The following FAM124A variants were observed in gnomAD, a reference collection of about 807,000 sequenced individuals.
The protein encoded by FAM124A is protein FAM124A.
Under a neutral mutation model 24.5 loss-of-function variants are expected in FAM124A, and 23 were observed. The observed-to-expected ratio is 0.94, with a 90% confidence interval of 0.68 to 1.33. The LOEUF is 1.33. Among genes scored for constraint, FAM124A ranks in the 40% most tolerant of loss-of-function variants. The probability of loss-of-function intolerance (pLI) is 0.00; values close to 1 mark genes in which losing one functional copy is unlikely to be tolerated. For synonymous variants in FAM124A, 287 were observed against 314.7 expected, an observed-to-expected ratio of 0.91 and a Z score of 0.93; for missense variants, 623 against 722.8, an observed-to-expected ratio of 0.86 and a Z score of 1.58.
At chr13:51,237,909 G>T (rs1274892219) in intron 2 of FAM124A, among the ~76,000 whole-genome samples, 1 of 152,220 alleles carries the variant, frequency 6.6e-6, no homozygotes, top group East Asian at 1.9e-4. Flanking sequence ...TGGAGAGAGG[G>T]CCCTGCTGCT....
intron 3 of FAM124A, among the ~76,000 whole-genome samples, chr13:51,260,023 C>A (rs957415380): frequency 1.3e-5 from 2 of 151,944 alleles, no homozygotes; most frequent in African/African-American, 2.4e-5. Context: ...GTGAGGAGGA[C>A]CCCCCAATAG....
At chr13:51,244,833 A>ACTCC (rs1407145294) in intron 2 of FAM124A, among the ~76,000 whole-genome samples, 5 of 152,206 alleles carry the variant, frequency 3.3e-5, no homozygotes, top group African/African-American at 4.8e-5. Context: ...ATGCCCACCC[A>ACTCC]GGCGAAACAG....
intron 2 of FAM124A, among the ~76,000 whole-genome samples, chr13:51,238,014 C>T (rs1318800733): frequency 6.6e-6 from 1 of 152,198 alleles, no homozygotes; most frequent in African/African-American, 2.4e-5. Flanking sequence ...GGGCTGGGGC[C>T]ATTTAGCATG....
At chr13:51,259,949 G>A (rs747531340) in intron 3 of FAM124A, among the ~76,000 whole-genome samples, 24 of 152,170 alleles carry the variant, frequency 1.6e-4, no homozygotes, top group Non-Finnish European at 3.2e-4. Context: ...GCAGGAGGCT[G>A]AGGGAGCAGT....
rs1027314952 is a variant in FAM124A at position 51,258,278 on chromosome 13, C to A, written c.834+6077C>A. ...ACAACTCATTATTTCCAAATAAGGT[C>A]ATATTCTGAGGTTACTAGGGGATGG... On this transcript the variant is annotated intron_variant, in intron 3 of 3. Coordinates refer to ENST00000322475, the MANE Select transcript of FAM124A (RefSeq NM_001242312.2). This position sits in a 1 kb window ranked among gnomAD's most constrained non-coding sequence, Gnocchi z 4.2. Among the ~76,000 whole-genome samples, 2 of 152,130 alleles carry A rather than the reference C, an allele frequency of 1.3e-5. No individual in the cohort carries two copies. The highest frequency in any genetic ancestry group is 2.9e-5 in the Non-Finnish European group (2 of 68,018).
At chr13:51,226,611 G>A (rs1954317998) in intron 1 of FAM124A, among the ~76,000 whole-genome samples, 1 of 152,238 alleles carries the variant, frequency 6.6e-6, no homozygotes, top group African/African-American at 2.4e-5. Flanking sequence ...GTCAGGCAGA[G>A]AGAGAGAGTG....
intron 3 of FAM124A, among the ~76,000 whole-genome samples, chr13:51,268,809 A>G (rs1185050075): frequency 6.6e-6 from 1 of 152,202 alleles, no homozygotes; most frequent in African/African-American, 2.4e-5. Flanking sequence ...CTCCTTTAGT[A>G]TCACGCTCAA....
At chr13:51,254,862 T>A (rs535350487) in intron 3 of FAM124A, among the ~76,000 whole-genome samples, 1 of 152,198 alleles carries the variant, frequency 6.6e-6, no homozygotes, top group Non-Finnish European at 1.5e-5. Context: ...ATATTATTAA[T>A]TATGTATATA....
rs986743465 is a variant in FAM124A at position 51,282,556 on chromosome 13, G to C, written c.*1300G>C. The C allele has an allele frequency of 3.3e-5, 5 of 152,230 alleles. No homozygotes were observed. Among genetic ancestry groups the C allele is most frequent in the African/African-American group, 1.2e-4 (5 of 41,450 alleles). 9.4% of individuals were successfully genotyped at this position (152,230 alleles called of 1,614,324 possible). The stretch of plus-strand genomic sequence containing the variant: ...CGGGGGCAGTGCCAAGCTGTCCCTG[G>C]ATACTATTTACCTTTGAGGAAGAAC... On this transcript the variant is annotated 3_prime_UTR_variant, in exon 4 of 4. Transcript: ENST00000322475.
chr13:51,239,403 T>TA (rs889195268), intron 2 of FAM124A, among the ~76,000 whole-genome samples: 1 of 152,196 alleles, frequency 6.6e-6, no homozygotes, highest in African/African-American at 2.4e-5. Context: ...AATAATTTAC[T>TA]AAAAAATGGC....
intron 3 of FAM124A, among the ~76,000 whole-genome samples, chr13:51,267,487 G>A (rs973786450): frequency 3.9e-5 from 6 of 152,152 alleles, no homozygotes; most frequent in Non-Finnish European, 8.8e-5. Flanking sequence ...GCCTAGAACT[G>A]CAGGGTTGAA....
rs1359121175 is a variant in FAM124A at position 51,284,098 on chromosome 13, A to G, written c.*2842A>G. On this transcript the variant is annotated 3_prime_UTR_variant, in exon 4 of 4. Coordinates refer to ENST00000322475, the MANE Select transcript of FAM124A (RefSeq NM_001242312.2). ...CACATTTACCAAAGCCTTCCCTTCC[A>G]TTCCTGGCCATTCCAGTAGCATCTT... The G allele has an allele frequency of 6.6e-6, 1 of 152,204 alleles. No homozygotes were observed. Among genetic ancestry groups the G allele is most frequent in the Non-Finnish European group, 1.5e-5 (1 of 68,032 alleles). 9.4% of individuals were successfully genotyped at this position (152,204 alleles called of 1,614,324 possible).
intron 3 of FAM124A, among the ~76,000 whole-genome samples, chr13:51,254,187 A>C (rs1954653528): frequency 1.3e-5 from 2 of 152,206 alleles, no homozygotes; most frequent in Admixed American, 6.5e-5. Context: ...TTGAACTGTA[A>C]TGTTTAAGAT....
rs1428228310 is a variant in FAM124A, at chr13:51,272,564, T to TACACAC, written c.835-7885_835-7884insCACACA. Among the ~76,000 whole-genome samples the TACACAC allele has an allele frequency of 1.4e-5, 1 of 74,070 alleles. No homozygotes were observed. The highest frequency in any genetic ancestry group is 6.8e-5 in the African/African-American group (1 of 14,756). 48.6% of individuals were successfully genotyped at this position (74,070 alleles called of 152,430 possible). The stretch of plus-strand genomic sequence containing the variant: ...CCACCTATTTTTGTAAATAAAGCCT[T>TACACAC]ATACACACACACACACACACACACA... On this transcript the variant is annotated intron_variant, in intron 3 of 3. Coordinates refer to ENST00000322475, the MANE Select transcript of FAM124A (RefSeq NM_001242312.2). This position sits in a 1 kb window ranked among gnomAD's most constrained non-coding sequence, Gnocchi z 4.2.
chr13:51,251,982 C>A lies in FAM124A; in HGVS notation c.615C>A (p.Phe205Leu). The change falls in exon 3 of 4, where the codon TTC (phenylalanine) becomes TTA (leucine). Residue 205 changes from phenylalanine to leucine, a missense_variant. By Grantham distance (22) the Phe-to-Leu change is conservative. Coordinates refer to ENST00000322475, the MANE Select transcript of FAM124A (RefSeq NM_001242312.2). This position sits in a 1 kb window ranked among gnomAD's most constrained non-coding sequence, Gnocchi z 5.3. ...GCCCCAGCCAGAAGAAAGCGGACTT[C>A]TGCATCTTCCCTATTTTTTCCAACC... Reference protein sequence around the residue: ...RRSPSQKKADFCIFPIFSNLD... With the variant: ...RRSPSQKKADLCIFPIFSNLD... 1 of 1,614,272 alleles carries A rather than the reference C, an allele frequency of 6.2e-7. No homozygotes were observed. The highest frequency in any genetic ancestry group is 8.5e-7 in the Non-Finnish European group (1 of 1,180,044).
intron 2 of FAM124A, among the ~76,000 whole-genome samples, chr13:51,234,762 A>G (rs1023572082): frequency 6.6e-6 from 1 of 152,168 alleles, no homozygotes; most frequent in Non-Finnish European, 1.5e-5. Context: ...AAGCCTGGGC[A>G]TCCTCTCTCG....
chr13:51,248,271 A>C (rs1954584621), intron 2 of FAM124A, among the ~76,000 whole-genome samples: 1 of 152,150 alleles, frequency 6.6e-6, no homozygotes, highest in Non-Finnish European at 1.5e-5. Context: ...TCACTTGTTC[A>C]AGCTGGAAAC....
chr13:51,233,093 T>C (rs1370596511), intron 2 of FAM124A, among the ~76,000 whole-genome samples: 1 of 152,180 alleles, frequency 6.6e-6, no homozygotes, highest in Non-Finnish European at 1.5e-5. Flanking sequence ...GGAAATGTAT[T>C]TGACTACAAA....
chr13:51,271,885 G>A (rs953053295), intron 3 of FAM124A, among the ~76,000 whole-genome samples: 4 of 152,206 alleles, frequency 2.6e-5, no homozygotes, highest in African/African-American at 7.2e-5. Flanking sequence ...CCAGTGGAAG[G>A]TTTTGAGGGT....
Sources: allele counts gnomAD v4.1 joint callset (sites outside exome capture counted in the v4.1 genomes callset), GRCh38; gene constraint gnomAD v4.1.1; non-coding constraint Gnocchi (gnomAD v3.1); transcripts MANE v1.5; gene names NCBI Gene and HGNC (gene_info 2026-07-23, HGNC 2026-07-21).